TMED3: variants seen among roughly 807,000 people sequenced by gnomAD.
The protein encoded by TMED3 is transmembrane p24 trafficking protein 3.
A neutral mutation model predicts 15.0 loss-of-function variants in TMED3; 9 were observed. The observed-to-expected ratio is 0.60, with a 90% CI of 0.36 to 1.04. TMED3 has a LOEUF of 1.04. Among genes scored for constraint, TMED3 ranks in the 50% least tolerant of loss-of-function variants. The pLI, the probability that TMED3 is intolerant of heterozygous loss-of-function variation, is 0.01. For missense variants in TMED3, 267 were observed against 278.9 expected, an observed-to-expected ratio of 0.96 and a Z score of 0.30; for synonymous variants, 117 against 121.4, an observed-to-expected ratio of 0.96 and a Z score of 0.24.
At chr15:79,392,069 G>A (rs1427095308) in intron 2 of TMED3, among the ~76,000 whole-genome samples, 8 of 152,130 alleles carry the variant, frequency 5.3e-5, no homozygotes, top group Non-Finnish European at 1.2e-4. Context: ...GGAGCATTTA[G>A]GCAATTTACA....
rs977654668 is a variant in TMED3, at chr15:79,318,424, A to G, written c.418-3554A>G. On this transcript the variant is annotated intron_variant, in intron 2 of 2. Transcript: ENST00000299705. The stretch of plus-strand genomic sequence containing the variant: ...GAAGGAATTAGTGGAAGTGTGAGCT[A>G]TTCAAACTCAGCCATGATTTGAAAT... 2.0e-5 allele frequency among the ~76,000 whole-genome samples: 3 copies of G among 152,230 alleles called. No individual in the cohort carries two copies. In the East Asian group the frequency reaches 5.8e-4, roughly 29 times the overall value.
chr15:79,407,755 A>G (rs2141259692), intron 2 of TMED3, among the ~76,000 whole-genome samples: 1 of 152,312 alleles, frequency 6.6e-6, no homozygotes, highest in East Asian at 1.9e-4. Context: ...GCAAAGTCTA[A>G]AACATTTTTT....
intron 2 of TMED3, among the ~76,000 whole-genome samples, chr15:79,331,478 CT>C (rs1436869693): frequency 6.8e-6 from 1 of 147,636 alleles, no homozygotes; most frequent in African/African-American, 2.5e-5. Flanking sequence ...AGGAAAAACA[CT>C]TCAGGACATT....
intron 2 of TMED3, among the ~76,000 whole-genome samples, chr15:79,385,639 G>C (rs943373408): frequency 1.3e-5 from 2 of 152,192 alleles, no homozygotes; most frequent in Non-Finnish European, 2.9e-5. Flanking sequence ...CTGCACCCAA[G>C]AGGGCAGATC....
At chr15:79,312,863 G>A (rs765717127) in intron 1 of TMED3, among the ~76,000 whole-genome samples, 1 of 152,124 alleles carries the variant, frequency 6.6e-6, no homozygotes, top group Non-Finnish European at 1.5e-5. Context: ...GTGGGGGGAG[G>A]GGGAACACCT....
intron 2 of TMED3, among the ~76,000 whole-genome samples, chr15:79,345,721 C>T (rs1432467697): frequency 6.6e-6 from 1 of 152,188 alleles, no homozygotes; most frequent in Non-Finnish European, 1.5e-5. Context: ...TTTGAGGAAT[C>T]ATCACACTGT....
At chr15:79,355,563 A>G (rs2058915655) in intron 2 of TMED3, among the ~76,000 whole-genome samples, 1 of 152,186 alleles carries the variant, frequency 6.6e-6, no homozygotes, top group Non-Finnish European at 1.5e-5. Context: ...GACATCCACA[A>G]TAACCAGTTG....
intron 2 of TMED3, among the ~76,000 whole-genome samples, chr15:79,396,304 T>G (rs1001957089): frequency 6.6e-6 from 1 of 152,158 alleles, no homozygotes; most frequent in African/African-American, 2.4e-5. Context: ...ATTCTGTGAG[T>G]CAGGAATTTA....
At chr15:79,373,426 G>T (rs1291067899) in intron 2 of TMED3, among the ~76,000 whole-genome samples, 1 of 152,200 alleles carries the variant, frequency 6.6e-6, no homozygotes, top group Non-Finnish European at 1.5e-5. Context: ...ATCCTTCAGT[G>T]AATTTCCCTC....
At chr15:79,398,866 G>C (rs1893797061) in intron 2 of TMED3, among the ~76,000 whole-genome samples, 1 of 151,924 alleles carries the variant, frequency 6.6e-6, no homozygotes, top group Admixed American at 6.6e-5. Context: ...GAAGGCTAGG[G>C]CCATCTGTTT....
intron 2 of TMED3, among the ~76,000 whole-genome samples, chr15:79,341,890 T>C (rs896683511): frequency 1.3e-5 from 2 of 152,206 alleles, no homozygotes; most frequent in Admixed American, 1.3e-4. Context: ...CCAGGGATGC[T>C]GCTGAACATC....
chr15:79,331,542 C>CAAAAAAAAAAAAAAAAAAAAAAA (rs71451761), intron 2 of TMED3, among the ~76,000 whole-genome samples: 3 of 89,288 alleles, frequency 3.4e-5, no homozygotes, highest in African/African-American at 9.8e-5. Flanking sequence ...GCAAAAGAAG[C>CAAAAAAAAAAAAAAAAAAAAAAA]AAAAAAAAAA....
intron 2 of TMED3, among the ~76,000 whole-genome samples, chr15:79,395,576 A>G (rs1272165563): frequency 6.6e-6 from 1 of 152,222 alleles, no homozygotes; most frequent in Non-Finnish European, 1.5e-5. Context: ...AACCATGGAT[A>G]AGGACTTTAG....
intron 2 of TMED3, among the ~76,000 whole-genome samples, chr15:79,396,612 C>T (rs575065347): frequency 2.0e-5 from 3 of 152,300 alleles, no homozygotes; most frequent in East Asian, 1.9e-4. Context: ...CGCTGCACGG[C>T]GATTTATGAT....
downstream of TMED3, among the ~76,000 whole-genome samples, chr15:79,327,341 T>G (rs753987291): frequency 6.6e-6 from 1 of 152,206 alleles, no homozygotes; most frequent in Non-Finnish European, 1.5e-5. Context: ...TCTCCAGAAC[T>G]GTGAGAAATA....
At chr15:79,386,652 C>T (rs1270129245) in intron 2 of TMED3, among the ~76,000 whole-genome samples, 2 of 152,006 alleles carry the variant, frequency 1.3e-5, no homozygotes, top group East Asian at 3.9e-4. Flanking sequence ...CAATTCTCTG[C>T]CTCAGCCTCC....
At chr15:79,407,390 A>G (rs1595913188) in intron 2 of TMED3, among the ~76,000 whole-genome samples, 1 of 152,148 alleles carries the variant, frequency 6.6e-6, no homozygotes, top group Admixed American at 6.5e-5. Flanking sequence ...CCTAGTTTCT[A>G]TAGGTACATA....
chr15:79,332,089 T>G (rs919918779), intron 2 of TMED3, among the ~76,000 whole-genome samples: 1 of 151,906 alleles, frequency 6.6e-6, no homozygotes, highest in Non-Finnish European at 1.5e-5. Context: ...AAGAAAAGGA[T>G]GAAAAAGACT....
chr15:79,396,004 T>A (rs1893757650), intron 2 of TMED3, among the ~76,000 whole-genome samples: 1 of 152,230 alleles, frequency 6.6e-6, no homozygotes, highest in African/African-American at 2.4e-5. Flanking sequence ...TTGATAATGC[T>A]TCAATTCAGG....
Sources: allele counts gnomAD v4.1 joint callset (sites outside exome capture counted in the v4.1 genomes callset), GRCh38; gene constraint gnomAD v4.1.1; transcripts MANE v1.5; gene names NCBI Gene and HGNC (gene_info 2026-07-23, HGNC 2026-07-21).